The following KCTD8 variants were observed in gnomAD, a reference collection of about 807,000 sequenced individuals.
KCTD8 encodes BTB/POZ domain-containing protein KCTD8.
Under a neutral mutation model 31.5 loss-of-function variants are expected in KCTD8, and 27 were observed. The observed-to-expected ratio is 0.86, with a 90% CI of 0.63 to 1.18. KCTD8 has a LOEUF of 1.18. KCTD8 is among the 50% of genes most tolerant of loss of function. The pLI is 0.00. For missense variants in KCTD8, 658 were observed against 647.7 expected, an observed-to-expected ratio of 1.02 and a Z score of -0.17; for synonymous variants, 290 against 280.0, an observed-to-expected ratio of 1.04 and a Z score of -0.36.
chr4:44,328,167 T>A (rs1718498237), intron 1 of KCTD8, among the ~76,000 whole-genome samples: 1 of 151,932 alleles, frequency 6.6e-6, no homozygotes, highest in African/African-American at 2.4e-5. Context: ...AACATCAACA[T>A]GAAAGTAAAC....
intron 1 of KCTD8, among the ~76,000 whole-genome samples, chr4:44,286,127 C>T (rs1717062493): frequency 2.0e-5 from 3 of 152,014 alleles, no homozygotes; most frequent in Admixed American, 6.6e-5. Context: ...TCTCTCAGTT[C>T]TTGGGCACTT....
chr4:44,298,062 T>A (rs1717488585), intron 1 of KCTD8, among the ~76,000 whole-genome samples: 1 of 152,166 alleles, frequency 6.6e-6, no homozygotes, highest in African/African-American at 2.4e-5. Flanking sequence ...AGAAGCACAG[T>A]ATCTGATGCA....
intron 1 of KCTD8, among the ~76,000 whole-genome samples, chr4:44,225,184 T>C (rs1026853811): frequency 2.0e-5 from 3 of 152,222 alleles, no homozygotes; most frequent in Non-Finnish European, 4.4e-5. Flanking sequence ...TTTGTAACAC[T>C]TCATTTTTAT....
intron 1 of KCTD8, among the ~76,000 whole-genome samples, chr4:44,231,453 C>T (rs569798377): frequency 1.4e-3 from 210 of 152,254 alleles, no homozygotes; most frequent in Admixed American, 3.1e-3. Context: ...ACAATACTGA[C>T]TTTGTTCATA....
intron 1 of KCTD8, among the ~76,000 whole-genome samples, chr4:44,353,657 C>A (rs1477448876): frequency 6.6e-6 from 1 of 152,070 alleles, no homozygotes; most frequent in African/African-American, 2.4e-5. Flanking sequence ...CATCATTCTA[C>A]TGTCTCCACT....
intron 1 of KCTD8, among the ~76,000 whole-genome samples, chr4:44,188,750 C>CATGGA (rs956995839): frequency 2.0e-5 from 3 of 152,108 alleles, no homozygotes; most frequent in African/African-American, 7.2e-5. Context: ...GCAATGTGTC[C>CATGGA]ATGGAATCAG....
chr4:44,437,934 T>G (rs73179348), intron 1 of KCTD8, among the ~76,000 whole-genome samples: 18,512 of 152,088 alleles, frequency 0.12, 2,471 homozygotes, highest in African/African-American at 0.32. Flanking sequence ...AAAACCACCA[T>G]ATAAATGATA....
chr4:44,448,072 G>A lies in KCTD8; in HGVS notation c.452C>T (p.Thr151Ile). ...DLVKLLSPKV[T>I]KQNSLNDEGC... is the part of the protein sequence containing the mutation. Reference sequence around the variant, plus strand: ...CTCGTCGTTGAGAGAGTTCTGCTTGGTGACCTTGGGCGACAGCAGCTTGAC... The same window carrying A: ...CTCGTCGTTGAGAGAGTTCTGCTTGATGACCTTGGGCGACAGCAGCTTGAC... The change falls in exon 1 of 2, where the codon ACC becomes ATC. Residue 151 changes from threonine to isoleucine, a missense_variant. Physicochemically the swap from Thr to Ile is moderately conservative, Grantham distance 89. Transcript: ENST00000360029. This position sits in a 1 kb window ranked among gnomAD's most constrained non-coding sequence, Gnocchi z 4.1. 6.2e-7 allele frequency: 1 copy of A among 1,612,520 alleles called. No homozygotes were observed. Among genetic ancestry groups the A allele is most frequent in the African/African-American group, 1.3e-5 (1 of 74,996 alleles).
chr4:44,381,942 T>C (rs1308248085), intron 1 of KCTD8, among the ~76,000 whole-genome samples: 1 of 151,998 alleles, frequency 6.6e-6, no homozygotes, highest in East Asian at 1.9e-4. Flanking sequence ...CAGGTATTTC[T>C]TTCTAGCAAC....
At chr4:44,197,228 C>T (rs2109337591) in intron 1 of KCTD8, among the ~76,000 whole-genome samples, 1 of 152,234 alleles carries the variant, frequency 6.6e-6, no homozygotes, top group East Asian at 1.9e-4. Context: ...ACAAGAAGCC[C>T]AGGTTCATAG....
intron 1 of KCTD8, among the ~76,000 whole-genome samples, chr4:44,201,144 G>GA (rs1310763863): frequency 6.6e-6 from 1 of 151,834 alleles, no homozygotes; most frequent in Non-Finnish European, 1.5e-5. Context: ...AAATACTGCT[G>GA]AAAAAAATCA....
chr4:44,187,958 A>C (rs966713265), intron 1 of KCTD8, among the ~76,000 whole-genome samples: 11 of 144,658 alleles, frequency 7.6e-5, no homozygotes, highest in Non-Finnish European at 1.2e-4. Context: ...GGAAGAGGTA[A>C]ACACACACAC....
intron 1 of KCTD8, among the ~76,000 whole-genome samples, chr4:44,239,286 G>C (rs187598067): frequency 3.3e-5 from 5 of 152,158 alleles, no homozygotes; most frequent in Admixed American, 1.3e-4. Context: ...AAACTGGGAC[G>C]TGTTGGGGCT....
intron 1 of KCTD8, among the ~76,000 whole-genome samples, chr4:44,407,030 T>G (rs955140228): frequency 6.6e-6 from 1 of 152,256 alleles, no homozygotes; most frequent in African/African-American, 2.4e-5. Context: ...CCTAATATCC[T>G]AGTAGGCATG....
At chr4:44,325,143 C>A (rs138368662) in intron 1 of KCTD8, among the ~76,000 whole-genome samples, 43 of 152,056 alleles carry the variant, frequency 2.8e-4, no homozygotes, top group African/African-American at 8.9e-4. Context: ...TTTGAATGCA[C>A]CCTATGTAAA....
intron 1 of KCTD8, among the ~76,000 whole-genome samples, chr4:44,407,315 T>C (rs1398793085): frequency 6.6e-6 from 1 of 152,020 alleles, no homozygotes; most frequent in Non-Finnish European, 1.5e-5. Context: ...CTAAATCATC[T>C]CTATACCTCA....
chr4:44,314,028 G>C (rs1377311208), intron 1 of KCTD8, among the ~76,000 whole-genome samples: 1 of 152,208 alleles, frequency 6.6e-6, no homozygotes, highest in Non-Finnish European at 1.5e-5. Context: ...AAACATTTTT[G>C]ATAAGGGGAG....
At chr4:44,430,875 A>G (rs1721485919) in intron 1 of KCTD8, among the ~76,000 whole-genome samples, 1 of 151,442 alleles carries the variant, frequency 6.6e-6, no homozygotes, top group African/African-American at 2.4e-5. Flanking sequence ...CCTTGCACTC[A>G]GTAATCACCA....
rs555729860 is a variant in KCTD8, at chr4:44,174,250, T to C, written c.*540A>G. 10 of 152,754 alleles carry C rather than the reference T, an allele frequency of 6.5e-5. No homozygotes were observed. In the South Asian group the frequency reaches 1.7e-3, roughly 25 times the overall value. The allele number at this position is 152,754 out of a possible 1,614,324, so 9.5% of individuals were successfully genotyped here. A position where few individuals can be genotyped will look rare whatever the true frequency, so the allele number is the denominator to read the frequency against. ...TTTTTTGCTTTTTTTTGTAATTTTT[T>C]TCTTTCCAAGCAACAAACAGATCTT... On this transcript the variant is annotated 3_prime_UTR_variant, in exon 2 of 2. Coordinates refer to ENST00000360029, the MANE Select transcript of KCTD8 (RefSeq NM_198353.3).
Sources: allele counts gnomAD v4.1 joint callset (sites outside exome capture counted in the v4.1 genomes callset), GRCh38; gene constraint gnomAD v4.1.1; non-coding constraint Gnocchi (gnomAD v3.1); transcripts MANE v1.5; gene names NCBI Gene and HGNC (gene_info 2026-07-23, HGNC 2026-07-21).